RPS6KA1: variants seen among roughly 807,000 people sequenced by gnomAD.
The protein encoded by RPS6KA1 is ribosomal protein S6 kinase A1, also known as ribosomal protein S6 kinase alpha-1.
RPS6KA1 carries 48 observed loss-of-function variants against 91.3 expected under a neutral mutation model. The ratio of observed to expected loss-of-function variants is 0.53; its 90% CI spans 0.42 to 0.67. The LOEUF (loss-of-function observed/expected upper bound fraction) is 0.67. Among genes scored for constraint, RPS6KA1 ranks in the 30% least tolerant of loss-of-function variants. The pLI is 0.00. For missense variants in RPS6KA1, 719 were observed against 960.5 expected (o/e 0.75, Z 3.32); for synonymous variants, 359 against 384.7 (o/e 0.93, Z 0.78).
At chr1:26,565,327 A>G (rs2076189972) in intron 17 of RPS6KA1, among the ~76,000 whole-genome samples, 1 of 152,116 alleles carries the variant, frequency 6.6e-6, no homozygotes, top group African/African-American at 2.4e-5. Context: ...GTTTGTTTGA[A>G]TATTATGTTT....
In RPS6KA1 at chr1:26,529,817, C is replaced by T. The variant is rs1293412470; in HGVS notation, c.-104C>T. ...CGGCCCAGCCGGAGCGCGAGGGGCTCGGGGGGGCGCGGCGGTTCGGGTCGC... is the reference window on the plus strand; with the variant it reads ...CGGCCCAGCCGGAGCGCGAGGGGCTTGGGGGGGCGCGGCGGTTCGGGTCGC... On this transcript the variant is annotated 5_prime_UTR_variant, in exon 1 of 22. Transcript: ENST00000374168. This position sits in a 1 kb window ranked among gnomAD's most constrained non-coding sequence, Gnocchi z 4.2. The T allele has an allele frequency of 1.6e-5, 14 of 860,752 alleles. No individual in the cohort carries two copies. The highest frequency in any genetic ancestry group is 1.2e-4 in the South Asian group (3 of 24,360). 53.3% of individuals were successfully genotyped at this position (860,752 alleles called of 1,614,324 possible).
chr1:26,530,865 A>G, intron 1 of RPS6KA1: 1 of 1,284,484 alleles, frequency 7.8e-7, no homozygotes, highest in Non-Finnish European at 1.0e-6. Context: ...GAGCTGGTGG[A>G]AAACTTCCTC....
chr1:26,536,780 G>A (rs1244019834), intron 1 of RPS6KA1, 145 bp from the exon 2 acceptor site: 4 of 808,746 alleles, frequency 4.9e-6, no homozygotes, highest in Non-Finnish European at 6.3e-6. Flanking sequence ...AAGTGGAGGT[G>A]GAGGGACCCA....
intron 20 of RPS6KA1, among the ~76,000 whole-genome samples, 193 bp from the exon 21 acceptor site, chr1:26,573,031 A>G (rs543977708): frequency 9.2e-5 from 14 of 152,342 alleles, no homozygotes; most frequent in Non-Finnish European, 1.8e-4. Context: ...CGAAGGGCCT[A>G]GAGCAGCAAA....
At chr1:26,541,756 G>T (rs1454287165) in intron 2 of RPS6KA1, among the ~76,000 whole-genome samples, 1 of 152,226 alleles carries the variant, frequency 6.6e-6, no homozygotes, top group African/African-American at 2.4e-5. Context: ...TGAGGGAGGG[G>T]GTAGCGCCTG....
chr1:26,551,278 G>T lies in RPS6KA1; in HGVS notation c.308-119G>T. 1 of 814,514 alleles carries T rather than the reference G, an allele frequency of 1.2e-6. No individual in the cohort carries two copies. 50.5% of individuals were successfully genotyped at this position (814,514 alleles called of 1,614,324 possible). A position where few individuals can be genotyped will look rare whatever the true frequency, so the allele number is the denominator to read the frequency against. ...TGAGTGTCCCCAAAGCCCTGGGTGA[G>T]GGGGCTTTGGGAGCTCAGGCCTGGA... On this transcript the variant is annotated intron_variant, in intron 4 of 21. Transcript: ENST00000374168. The surrounding 1 kb of genome is among the most constrained non-coding windows in gnomAD (Gnocchi z 4.5).
In RPS6KA1 at chr1:26,574,633, C is replaced by T. The variant is rs918161854; in HGVS notation, c.*432C>T. The T allele has an allele frequency of 2.4e-5, 9 of 367,490 alleles. No homozygotes were observed. The highest frequency in any genetic ancestry group is 8.2e-4 in the Middle Eastern group (1 of 1,214). The allele number at this position is 367,490 out of a possible 1,614,324, so 22.8% of individuals were successfully genotyped here. A position where few individuals can be genotyped will look rare whatever the true frequency, so the allele number is the denominator to read the frequency against. The stretch of plus-strand genomic sequence containing the variant: ...ACCTGTAGCCATCTGCACACACCTC[C>T]GAGACAGTCCAGTGTCACCTCTCTC... On this transcript the variant is annotated 3_prime_UTR_variant, in exon 22 of 22. Transcript: ENST00000374168. The surrounding 1 kb of genome is among the most constrained non-coding windows in gnomAD (Gnocchi z 4.3).
In RPS6KA1 at chr1:26,546,982, A is replaced by G. The variant is rs769925976; in HGVS notation, c.224A>G (p.Lys75Arg). 1.2e-6 allele frequency: 2 copies of G among 1,612,538 alleles called. No individual in the cohort carries two copies. The highest frequency in any genetic ancestry group is 1.7e-6 in the Non-Finnish European group (2 of 1,178,564). ...GTTCTGGGCCAGGGATCCTTTGGCA[A>G]AGTGAGTCATGAGCCCATAGCTGTG... ...LKVLGQGSFG[K>R]VFLVRKVTRP... Residue 75 changes from lysine (K) to arginine (R), a missense_variant and splice_region_variant, in exon 3 of 22, where the codon AAA becomes AGA. This residue lies in a region of RPS6KA1 where 159 missense variants were observed against 264.5 expected (regional missense o/e 0.60). Coordinates refer to ENST00000374168, the MANE Select transcript of RPS6KA1 (RefSeq NM_002953.4).
intron 15 of RPS6KA1, 67 bp from the exon 16 acceptor site, chr1:26,560,978 C>T: frequency 1.3e-6 from 2 of 1,589,066 alleles, no homozygotes; most frequent in Non-Finnish European, 1.7e-6. Flanking sequence ...TCCTGGCCTG[C>T]TCCATGGCCA....
Position 26,558,142 on chromosome 1 carries a change from G to T in RPS6KA1, c.1085-665G>T, listed in dbSNP as rs1314982914. On this transcript the variant is annotated intron_variant, in intron 13 of 21. Coordinates refer to ENST00000374168, the MANE Select transcript of RPS6KA1 (RefSeq NM_002953.4). The surrounding 1 kb of genome is among the most constrained non-coding windows in gnomAD (Gnocchi z 4.0). The stretch of plus-strand genomic sequence containing the variant: ...GAGACAGCACTTCTCCAAGCAGTCC[G>T]CTGGGCAACGTGACAAGTGCAGCTT... Among the ~76,000 whole-genome samples, 1 of 152,102 alleles carries T rather than the reference G, an allele frequency of 6.6e-6. No individual in the cohort carries two copies. The highest frequency in any genetic ancestry group is 1.5e-5 in the Non-Finnish European group (1 of 68,016).
At chr1:26,548,742 TG>T (rs1448616936) in intron 4 of RPS6KA1, among the ~76,000 whole-genome samples, 2 of 150,016 alleles carry the variant, frequency 1.3e-5, no homozygotes, top group African/African-American at 4.9e-5. Flanking sequence ...GAGATTGCAG[TG>T]AGCCGAGATC....
intron 17 of RPS6KA1, among the ~76,000 whole-genome samples, chr1:26,562,734 C>G (rs2076163718): frequency 6.6e-6 from 1 of 151,786 alleles, no homozygotes; most frequent in African/African-American, 2.4e-5. Context: ...GGCTATGAAT[C>G]CACCTGGCTG....
intron 13 of RPS6KA1, among the ~76,000 whole-genome samples, chr1:26,557,987 C>A (rs894465338): frequency 1.3e-5 from 2 of 151,860 alleles, no homozygotes; most frequent in Non-Finnish European, 2.9e-5. Flanking sequence ...TGTCAGCACG[C>A]CTGGCTAATT....
rs2278979 is a variant in RPS6KA1 at position 26,551,217 on chromosome 1, G to A, written c.308-180G>A. On this transcript the variant is annotated intron_variant, in intron 4 of 21. Coordinates refer to ENST00000374168, the MANE Select transcript of RPS6KA1 (RefSeq NM_002953.4). This position sits in a 1 kb window ranked among gnomAD's most constrained non-coding sequence, Gnocchi z 4.5. ...GTGGGGACAAGGAGCCAGCCAAGGA[G>A]CCAGAAACAGACTGGCAAGGAGGAA... 0.28 allele frequency among the ~76,000 whole-genome samples: 42,286 copies of A among 152,006 alleles called. 6,785 individuals carry two copies. Among genetic ancestry groups the A allele is most frequent in the East Asian group, 0.76 (3,936 of 5,154 alleles).
chr1:26,554,207 A>C lies in RPS6KA1; in HGVS notation c.576-7A>C. On this transcript the variant is annotated splice_region_variant and splice_polypyrimidine_tract_variant and intron_variant, in intron 7 of 21. Transcript: ENST00000374168. This position sits in a 1 kb window ranked among gnomAD's most constrained non-coding sequence, Gnocchi z 4.6. ...GAGGGGCCCTGACCACTATTTCTCT[A>C]TTACAGCATCCTTCTGGATGAGGAG... is the stretch of plus-strand genomic sequence containing the variant. The C allele has an allele frequency of 6.4e-7, 1 of 1,553,742 alleles. No homozygotes were observed. Among genetic ancestry groups the C allele is most frequent in the Non-Finnish European group, 8.7e-7 (1 of 1,148,092 alleles).
At chr1:26,533,526 C>T (rs1472234739) in intron 1 of RPS6KA1, among the ~76,000 whole-genome samples, 4 of 151,732 alleles carry the variant, frequency 2.6e-5, no homozygotes, top group Non-Finnish European at 5.9e-5. Context: ...GCCAACATGG[C>T]GAAACCCCGC....
Position 26,555,304 on chromosome 1 carries a change from C to A in RPS6KA1, c.827+83C>A. On this transcript the variant is annotated intron_variant, in intron 10 of 21. Coordinates refer to ENST00000374168, the MANE Select transcript of RPS6KA1 (RefSeq NM_002953.4). The surrounding 1 kb of genome is among the most constrained non-coding windows in gnomAD (Gnocchi z 4.3). ...GGGGGTCAGAATATTATTACCCTGTCCCTGCCTCAGCTACCCTCTCTAATG... is the reference window on the plus strand; with the variant it reads ...GGGGGTCAGAATATTATTACCCTGTACCTGCCTCAGCTACCCTCTCTAATG... 7.3e-7 allele frequency: 1 copy of A among 1,367,294 alleles called. No homozygotes were observed. Among genetic ancestry groups the A allele is most frequent in the Non-Finnish European group, 1.0e-6 (1 of 967,126 alleles). 84.7% of individuals were successfully genotyped at this position (1,367,294 alleles called of 1,614,324 possible).
chr1:26,561,439 C>A lies in RPS6KA1; in HGVS notation c.1432-66C>A. On this transcript the variant is annotated intron_variant, in intron 16 of 21. Transcript: ENST00000374168. The surrounding 1 kb of genome is among the most constrained non-coding windows in gnomAD (Gnocchi z 5.7). ...CATGTCATTCTTCCCTGCTCTGGGG[C>A]GCTGCTGACCAGGGGGCTCAGGCCT... 1.3e-6 allele frequency: 2 copies of A among 1,596,982 alleles called. No individual in the cohort carries two copies. Among genetic ancestry groups the A allele is most frequent in the South Asian group, 1.1e-5 (1 of 90,508 alleles).
chr1:26,536,305 G>C (rs906064095), intron 1 of RPS6KA1, among the ~76,000 whole-genome samples: 16 of 152,216 alleles, frequency 1.1e-4, no homozygotes, highest in Non-Finnish European at 1.2e-4. Context: ...AGGAAGGGCA[G>C]GCCTGTGTGT....
Sources: allele counts gnomAD v4.1 joint callset (sites outside exome capture counted in the v4.1 genomes callset), GRCh38; gene constraint gnomAD v4.1.1; regional missense constraint gnomAD v4.1.1; non-coding constraint Gnocchi (gnomAD v3.1); transcripts MANE v1.5; gene names NCBI Gene and HGNC (gene_info 2026-07-23, HGNC 2026-07-21).